The following MSL2 variants were observed in gnomAD, a reference collection of about 807,000 sequenced individuals.
MSL2 encodes MSL complex subunit 2.
MSL2 carries 2 observed loss-of-function variants against 35.8 expected under a neutral mutation model. The observed-to-expected ratio is 0.06, with a 90% confidence interval of 0.02 to 0.18. MSL2 has a LOEUF of 0.18. MSL2 is among the 10% of genes least tolerant of loss of function. MSL2 has a pLI of 1.00. For missense variants in MSL2, 523 were observed against 706.7 expected (o/e 0.74, Z 2.95); for synonymous variants, 296 against 255.7 (o/e 1.16, Z -1.50).
At chr3:136,188,725 C>A (rs1940593962) in intron 1 of MSL2, among the ~76,000 whole-genome samples, 4 of 102,510 alleles carry the variant, frequency 3.9e-5, no homozygotes, top group African/African-American at 7.4e-5. Flanking sequence ...GACCCTGTCT[C>A]AAAAAAAAAA....
chr3:136,163,173 T>C (rs558278828), intron 1 of MSL2, among the ~76,000 whole-genome samples: 1 of 152,124 alleles, frequency 6.6e-6, no homozygotes, highest in African/African-American at 2.4e-5. Context: ...GCAGGAGAAC[T>C]GTTTGAACCC....
At chr3:136,165,012 C>T (rs1214497745) in intron 1 of MSL2, among the ~76,000 whole-genome samples, 1 of 151,922 alleles carries the variant, frequency 6.6e-6, no homozygotes, top group African/African-American at 2.4e-5. Flanking sequence ...CAGCTGGGAC[C>T]ACAGGTGAGC....
rs1463352801 is a variant in MSL2, at chr3:136,151,399, T to C, written c.1482A>G (p.Ile494Met). Residue 494 changes from isoleucine (I) to methionine (M), a missense_variant, in exon 2 of 2, where the codon ATA becomes ATG. Ile to Met is a conservative substitution (Grantham distance 10, BLOSUM62 1). This residue lies in a region of MSL2 where 16 missense variants were observed against 86.1 expected (regional missense o/e 0.19). Transcript: ENST00000309993. The surrounding 1 kb of genome is among the most constrained non-coding windows in gnomAD (Gnocchi z 5.2). Reference protein sequence around the residue: ...YSNRKACLDCICRGCQNSYMA... With the variant: ...YSNRKACLDCMCRGCQNSYMA... ...TATAGGAGTTTTGGCAGCCACGACA[T>C]ATACAATCTAAGCAGGCTTTGCGGT... 7 of 1,614,090 alleles carry C rather than the reference T, an allele frequency of 4.3e-6. No homozygotes were observed. Among genetic ancestry groups the C allele is most frequent in the East Asian group, 2.2e-5 (1 of 44,898 alleles).
chr3:136,152,480 T>C lies in MSL2; in HGVS notation c.401A>G (p.Asn134Ser), dbSNP rs1489165349. Reference sequence around the variant, plus strand: ...CTCCTCACAAAACAATGATCCATCATTAAGCAAAGCCAAAATATCAGAAGA... The same window carrying C: ...CTCCTCACAAAACAATGATCCATCACTAAGCAAAGCCAAAATATCAGAAGA... ...DCSSDILALL[N>S]DGSLFCEETE... The change falls in exon 2 of 2, where the codon AAT becomes AGT. Residue 134 changes from asparagine (N) to serine (S), a missense_variant. Asn to Ser is a conservative substitution (Grantham distance 46). Transcript: ENST00000309993. 8.7e-6 allele frequency: 14 copies of C among 1,614,232 alleles called. No individual in the cohort carries two copies. Among genetic ancestry groups the C allele is most frequent in the Non-Finnish European group, 1.2e-5 (14 of 1,180,032 alleles).
intron 1 of MSL2, chr3:136,156,018 A>C: frequency 3.0e-6 from 1 of 328,186 alleles, no homozygotes; most frequent in Middle Eastern, 1.0e-3. Context: ...TCCTTATAGT[A>C]CCAACTACTT....
intron 1 of MSL2, among the ~76,000 whole-genome samples, chr3:136,170,507 C>T (rs1421796443): frequency 4.9e-5 from 7 of 142,708 alleles, no homozygotes; most frequent in African/African-American, 1.8e-4. Flanking sequence ...AAAACTCTGT[C>T]CTTTTTTTTT....
At chr3:136,190,866 A>C (rs1015881775) in intron 1 of MSL2, among the ~76,000 whole-genome samples, 1 of 152,218 alleles carries the variant, frequency 6.6e-6, no homozygotes, top group Admixed American at 6.5e-5. Context: ...TGTCTTGGTC[A>C]GTTTCTGTGG....
chr3:136,172,528 A>T (rs1271144664), intron 1 of MSL2, among the ~76,000 whole-genome samples: 1 of 152,044 alleles, frequency 6.6e-6, no homozygotes, highest in Non-Finnish European at 1.5e-5. Context: ...GCTAATCCCA[A>T]ATGTAGTGGG....
At chr3:136,169,072 T>C (rs1402487514) in intron 1 of MSL2, among the ~76,000 whole-genome samples, 1 of 151,894 alleles carries the variant, frequency 6.6e-6, no homozygotes, top group Non-Finnish European at 1.5e-5. Context: ...ACATTTTTAA[T>C]GGATGACAAG....
chr3:136,178,926 C>G (rs1234018442), intron 1 of MSL2, among the ~76,000 whole-genome samples: 1 of 151,424 alleles, frequency 6.6e-6, no homozygotes, highest in Non-Finnish European at 1.5e-5. Context: ...ACTTACATGG[C>G]CTACTCCAGC....
intron 1 of MSL2, among the ~76,000 whole-genome samples, chr3:136,185,422 T>C (rs984561490): frequency 4.9e-4 from 75 of 151,892 alleles, no homozygotes; most frequent in Non-Finnish European, 3.2e-4. Flanking sequence ...GATAACTTCA[T>C]CTAACCTTAT....
intron 1 of MSL2, among the ~76,000 whole-genome samples, chr3:136,159,808 T>C (rs1040779162): frequency 2.6e-5 from 4 of 152,016 alleles, no homozygotes; most frequent in East Asian, 3.9e-4. Context: ...AGCTAAAATA[T>C]AGAAATTCTA....
chr3:136,167,447 A>T (rs1407261348), intron 1 of MSL2, among the ~76,000 whole-genome samples: 1 of 152,210 alleles, frequency 6.6e-6, no homozygotes, highest in African/African-American at 2.4e-5. Flanking sequence ...CACAAAAAAA[A>T]TTCTCAGAAT....
chr3:136,155,798 C>G (rs557374939), intron 1 of MSL2: 1 of 571,280 alleles, frequency 1.8e-6, no homozygotes. Context: ...GTCTGTGCCC[C>G]GTGACACCCG....
chr3:136,158,511 T>A (rs1576357216), intron 1 of MSL2, among the ~76,000 whole-genome samples: 1 of 152,186 alleles, frequency 6.6e-6, no homozygotes, highest in Admixed American at 6.5e-5. Context: ...CCAACTTTAC[T>A]TAAAGGTAAA....
chr3:136,166,107 G>A (rs1939842493), intron 1 of MSL2, among the ~76,000 whole-genome samples: 2 of 150,280 alleles, frequency 1.3e-5, no homozygotes, highest in South Asian at 4.2e-4. Flanking sequence ...GAAAAAACTG[G>A]GCCAGGCACG....
At chr3:136,163,143 C>T (rs1476594519) in intron 1 of MSL2, among the ~76,000 whole-genome samples, 1 of 151,978 alleles carries the variant, frequency 6.6e-6, no homozygotes, top group South Asian at 2.1e-4. Context: ...CCTGTAATCC[C>T]AGCTACTCGG....
At chr3:136,164,950 C>A (rs759582882) in intron 1 of MSL2, among the ~76,000 whole-genome samples, 6 of 151,886 alleles carry the variant, frequency 4.0e-5, no homozygotes, top group Non-Finnish European at 7.4e-5. Context: ...CTTGGCTCAC[C>A]GCAACCTCCA....
chr3:136,168,417 A>G (rs1288434196), intron 1 of MSL2, among the ~76,000 whole-genome samples: 2 of 152,218 alleles, frequency 1.3e-5, no homozygotes, highest in African/African-American at 4.8e-5. Flanking sequence ...TAAACCATGG[A>G]ATACTACGCA....
Sources: allele counts gnomAD v4.1 joint callset (sites outside exome capture counted in the v4.1 genomes callset), GRCh38; gene constraint gnomAD v4.1.1; regional missense constraint gnomAD v4.1.1; non-coding constraint Gnocchi (gnomAD v3.1); transcripts MANE v1.5; gene names NCBI Gene and HGNC (gene_info 2026-07-23, HGNC 2026-07-21).